Variants in GLT1D1 observed in about 807,000 individuals in gnomAD.
GLT1D1 encodes the protein glycosyltransferase 1 domain containing 1.
GLT1D1 carries 21 observed loss-of-function variants against 28.7 expected under a neutral mutation model. The ratio of observed to expected loss-of-function variants is 0.73; its 90% CI spans 0.52 to 1.05. The LOEUF (loss-of-function observed/expected upper bound fraction) is 1.05, where lower values mean the gene tolerates loss of function less well. Ranked by LOEUF, GLT1D1 falls within the 50% of genes least tolerant of loss-of-function variation. The pLI, the probability that GLT1D1 is intolerant of heterozygous loss-of-function variation, is 0.00. For missense variants in GLT1D1, 343 were observed against 330.6 expected, an observed-to-expected ratio of 1.04 and a Z score of -0.29; for synonymous variants, 147 against 124.8, an observed-to-expected ratio of 1.18 and a Z score of -1.19.
chr12:128,928,077 A>G (rs1379186452), intron 4 of GLT1D1, among the ~76,000 whole-genome samples: 1 of 151,958 alleles, frequency 6.6e-6, no homozygotes, highest in Non-Finnish European at 1.5e-5. Context: ...CTATAAAAAG[A>G]AAATTAAAGT....
At chr12:128,907,729 C>G (rs1482265703) in intron 4 of GLT1D1, among the ~76,000 whole-genome samples, 1 of 152,058 alleles carries the variant, frequency 6.6e-6, no homozygotes, top group African/African-American at 2.4e-5. Flanking sequence ...TGTGAGATCC[C>G]TGGGAATTGA....
chr12:128,926,233 AATAAG>A, intron 4 of GLT1D1, 121 bp from the exon 7 acceptor site: 1 of 272,274 alleles, frequency 3.7e-6, no homozygotes, highest in Non-Finnish European at 6.5e-6. Context: ...TAATAATAAT[AATAAG>A]AGTAGGAGAA....
intron 4 of GLT1D1, among the ~76,000 whole-genome samples, chr12:128,922,397 G>A (rs1872744253): frequency 6.6e-6 from 1 of 152,070 alleles, no homozygotes; most frequent in Admixed American, 6.5e-5. Flanking sequence ...TAGTAATGTA[G>A]GCTTGGACTG....
chr12:128,939,840 C>CCG (rs1378017586), intron 4 of GLT1D1, among the ~76,000 whole-genome samples: 1 of 142,538 alleles, frequency 7.0e-6, no homozygotes, highest in Non-Finnish European at 1.5e-5. Context: ...GTTAGAAACC[C>CCG]CCCCCCACCG....
chr12:128,978,828 C>T (rs975873358), intron 7 of GLT1D1, among the ~76,000 whole-genome samples: 1 of 152,100 alleles, frequency 6.6e-6, no homozygotes, highest in African/African-American at 2.4e-5. Context: ...TTCATGTCTC[C>T]CCTGTTTAGA....
chr12:128,951,897 G>A (rs1213855914), intron 6 of GLT1D1, among the ~76,000 whole-genome samples: 1 of 152,212 alleles, frequency 6.6e-6, no homozygotes, highest in Admixed American at 6.5e-5. Context: ...ATTTCACGTC[G>A]TGAGTGGGTT....
At chr12:128,927,453 T>C (rs933781220) in intron 4 of GLT1D1, among the ~76,000 whole-genome samples, 2 of 150,986 alleles carry the variant, frequency 1.3e-5, no homozygotes, top group African/African-American at 4.8e-5. Context: ...TTAGCCAGGA[T>C]GGTCTCCATC....
chr12:128,973,513 C>T (rs1593213336), intron 7 of GLT1D1, among the ~76,000 whole-genome samples: 1 of 151,924 alleles, frequency 6.6e-6, no homozygotes, highest in East Asian at 1.9e-4. Context: ...CTTTCCTCTC[C>T]CCCAGGCATA....
intron 4 of GLT1D1, among the ~76,000 whole-genome samples, chr12:128,938,037 G>A (rs1430952031): frequency 2.6e-5 from 4 of 152,180 alleles, no homozygotes; most frequent in Non-Finnish European, 5.9e-5. Flanking sequence ...AACTATATCT[G>A]AGGAAATACT....
chr12:128,933,101 G>A (rs1874105120), intron 4 of GLT1D1, among the ~76,000 whole-genome samples: 1 of 152,178 alleles, frequency 6.6e-6, no homozygotes, highest in Admixed American at 6.5e-5. Flanking sequence ...TTTTTTAACC[G>A]TAAGCAGGAA....
intron 4 of GLT1D1, among the ~76,000 whole-genome samples, chr12:128,918,918 G>A (rs978308497): frequency 2.6e-5 from 4 of 152,200 alleles, no homozygotes; most frequent in Non-Finnish European, 5.9e-5. Context: ...CTTACAAAGC[G>A]TTTTCCTCTG....
At chr12:128,933,406 T>G (rs931709705) in intron 4 of GLT1D1, among the ~76,000 whole-genome samples, 1 of 152,280 alleles carries the variant, frequency 6.6e-6, no homozygotes, top group African/African-American at 2.4e-5. Context: ...TTCATGCAGT[T>G]CATGCATTCT....
At chr12:128,938,137 T>C (rs1458852594) in intron 4 of GLT1D1, among the ~76,000 whole-genome samples, 2 of 152,206 alleles carry the variant, frequency 1.3e-5, no homozygotes, top group Non-Finnish European at 2.9e-5. Context: ...TCAGCAACTT[T>C]CTAGCTGTGT....
intron 2 of GLT1D1, among the ~76,000 whole-genome samples, chr12:128,884,970 G>A (rs1245589680): frequency 6.7e-6 from 1 of 148,186 alleles, no homozygotes; most frequent in Admixed American, 6.8e-5. Flanking sequence ...TCCCAGGCTG[G>A]TCTCAAACTC....
intron 1 of GLT1D1, among the ~76,000 whole-genome samples, chr12:128,855,238 A>C (rs1182762973): frequency 7.4e-5 from 11 of 147,692 alleles, no homozygotes; most frequent in Admixed American, 2.0e-4. Flanking sequence ...AAAAAAAAAA[A>C]AAAAACAACA....
At chr12:128,970,928 C>A (rs116735972) in intron 7 of GLT1D1, among the ~76,000 whole-genome samples, 3,939 of 152,326 alleles carry the variant, frequency 0.026, 155 homozygotes, top group African/African-American at 0.089. Context: ...GGACTGGGTG[C>A]TCAGTGAGTA....
intron 4 of GLT1D1, 80 bp downstream of exon 4, chr12:128,899,367 A>G: frequency 8.6e-7 from 1 of 1,160,492 alleles, no homozygotes; most frequent in Non-Finnish European, 1.3e-6. Context: ...AGCCTTACTG[A>G]GCTGACAGTG....
At chr12:128,917,056 T>C (rs973600615) in intron 4 of GLT1D1, among the ~76,000 whole-genome samples, 2 of 152,212 alleles carry the variant, frequency 1.3e-5, no homozygotes, top group African/African-American at 4.8e-5. Flanking sequence ...TGTTTTTTTT[T>C]CTTAACAATA....
At chr12:128,947,226 T>A in intron 5 of GLT1D1, 112 bp from the exon 10 acceptor site, 1 of 1,210,074 alleles carries the variant, frequency 8.3e-7, no homozygotes, top group Non-Finnish European at 1.2e-6. Context: ...TGGTCAACAA[T>A]GCTTACTTGC....
Sources: gnomAD v4.1 joint callset for allele counts (sites outside exome capture counted in the v4.1 genomes callset) on GRCh38, gnomAD v4.1.1 for gene constraint, MANE v1.5 for transcripts, NCBI Gene and HGNC (gene_info 2026-07-23, HGNC 2026-07-21) for gene names.